MAD1L1: variants seen among roughly 807,000 people sequenced by gnomAD.
The protein encoded by MAD1L1 is mitotic arrest deficient 1 like 1.
In MAD1L1, 95 loss-of-function variants were observed where a neutral mutation model predicts 96.9. That is an observed-to-expected ratio of 0.98 (90% CI 0.83 to 1.16). MAD1L1 has a LOEUF of 1.16. Among genes scored for constraint, MAD1L1 ranks in the 50% most tolerant of loss-of-function variants. MAD1L1 has a pLI of 0.00. For synonymous variants in MAD1L1, 473 were observed against 396.6 expected, an observed-to-expected ratio of 1.19 and a Z score of -2.29; for missense variants, 1,007 against 954.4, an observed-to-expected ratio of 1.06 and a Z score of -0.73.
chr7:2,149,281 G>A (rs1789455938), intron 10 of MAD1L1, 43 bp from the exon 11 acceptor site: 1 of 1,490,284 alleles, frequency 6.7e-7, no homozygotes, highest in Non-Finnish European at 9.3e-7. Flanking sequence ...CTGTCCCCGA[G>A]AAGTAAACCT....
chr7:2,192,108 T>A (rs896854609), intron 10 of MAD1L1, among the ~76,000 whole-genome samples: 1 of 152,068 alleles, frequency 6.6e-6, no homozygotes, highest in African/African-American at 2.4e-5. Flanking sequence ...GCACGTTAAA[T>A]ATAAATCCAT....
rs531426485 is a variant in MAD1L1 at position 2,186,526 on chromosome 7, C to T, written c.986+26686G>A. Among the ~76,000 whole-genome samples the T allele has an allele frequency of 2.0e-5, 3 of 152,206 alleles. No individual in the cohort carries two copies. The East Asian group carries it at 5.8e-4, about 29-fold the overall frequency. On this transcript the variant is annotated intron_variant, in intron 10 of 18. Coordinates refer to ENST00000265854, the MANE Select transcript of MAD1L1 (RefSeq NM_001013836.2). ...AAACTGCTAATGTTAACCTGGGATA[C>T]AGCAGAATTTGAAAAAGCAGAGAAA...
chr7:1,967,274 G>A (rs1435984725), intron 15 of MAD1L1, among the ~76,000 whole-genome samples: 1 of 152,150 alleles, frequency 6.6e-6, no homozygotes, highest in African/African-American at 2.4e-5. Flanking sequence ...ATGCCCATCT[G>A]CTAAATTAAA....
intron 18 of MAD1L1, among the ~76,000 whole-genome samples, chr7:1,886,515 C>T (rs1786040048): frequency 1.3e-5 from 2 of 152,242 alleles, no homozygotes; most frequent in Non-Finnish European, 2.9e-5. Flanking sequence ...CAAGAATGGG[C>T]GGCTGAGTGG....
intron 11 of MAD1L1, among the ~76,000 whole-genome samples, chr7:2,144,531 T>C (rs1336486683): frequency 6.6e-6 from 1 of 152,088 alleles, no homozygotes; most frequent in African/African-American, 2.4e-5. Flanking sequence ...CGCTGGCCTA[T>C]TCCCCCCCAG....
chr7:1,971,166 G>A (rs548075933), intron 15 of MAD1L1, among the ~76,000 whole-genome samples: 3 of 152,312 alleles, frequency 2.0e-5, no homozygotes, highest in East Asian at 3.9e-4. Flanking sequence ...GGAGATGCAC[G>A]CAGTGCCATG....
At chr7:2,223,000 C>T (rs1257470286) in intron 4 of MAD1L1, among the ~76,000 whole-genome samples, 1 of 152,204 alleles carries the variant, frequency 6.6e-6, no homozygotes, top group African/African-American at 2.4e-5. Context: ...GCACTTGGCA[C>T]AGATCACACA....
intron 15 of MAD1L1, among the ~76,000 whole-genome samples, chr7:1,979,179 T>A (rs962548146): frequency 2.0e-5 from 3 of 151,038 alleles, no homozygotes; most frequent in Non-Finnish European, 4.4e-5. Context: ...CCGCGGGGGG[T>A]CCAGGGGCCC....
At chr7:1,896,713 G>C (rs1449454178) in intron 18 of MAD1L1, among the ~76,000 whole-genome samples, 5 of 152,192 alleles carry the variant, frequency 3.3e-5, no homozygotes, top group African/African-American at 9.6e-5. Flanking sequence ...ACACTGTGGA[G>C]GGTGCCCCAA....
intron 18 of MAD1L1, among the ~76,000 whole-genome samples, chr7:1,889,309 C>T (rs1482530252): frequency 2.6e-5 from 4 of 152,234 alleles, no homozygotes; most frequent in South Asian, 2.1e-4. Context: ...AGCAAACACT[C>T]GGGCAAGGCC....
In MAD1L1 at chr7:1,856,106, G is replaced by A. The variant is rs113737240; in HGVS notation, c.1999-39878C>T. Among the ~76,000 whole-genome samples, 857 of 152,288 alleles carry A rather than the reference G, an allele frequency of 5.6e-3. 8 individuals carry two copies. The highest frequency in any genetic ancestry group is 0.019 in the African/African-American group (802 of 41,556). On this transcript the variant is annotated intron_variant, in intron 18 of 18. Coordinates refer to ENST00000265854, the MANE Select transcript of MAD1L1 (RefSeq NM_001013836.2). ...CACTTCCTAATCCCTCATCTTGGGC[G>A]TTAGAATTTCAACGTATGGATTTTA...
rs548297740 is a variant in MAD1L1 at position 2,070,553 on chromosome 7, G to A, written c.1074-1215C>T. ...GCCACACCGGGGAGGGTGCGAGTCC[G>A]CGGAGGGAGGGCCCATCCCTACTCA... is the stretch of plus-strand genomic sequence containing the variant. On this transcript the variant is annotated intron_variant, in intron 11 of 18. Coordinates refer to ENST00000265854, the MANE Select transcript of MAD1L1 (RefSeq NM_001013836.2). Among the ~76,000 whole-genome samples the A allele has an allele frequency of 2.2e-3, 336 of 152,356 alleles. 1 individual carries two copies. The highest frequency in any genetic ancestry group is 7.7e-3 in the African/African-American group (321 of 41,594).
At chr7:1,936,444 T>C (rs568824452) in intron 17 of MAD1L1, among the ~76,000 whole-genome samples, 1 of 152,314 alleles carries the variant, frequency 6.6e-6, no homozygotes, top group East Asian at 1.9e-4. Flanking sequence ...TTTCAGCCCC[T>C]TGCTTCTCCA....
rs964202276 is a variant in MAD1L1, at chr7:2,120,525, G to A, written c.1073+28627C>T. Reference sequence around the variant, plus strand: ...GGCACTCGCAGTGCAGGAACCAAGCGGAAGCCCCACACCCAGGGCGCTGCC... The same window carrying A: ...GGCACTCGCAGTGCAGGAACCAAGCAGAAGCCCCACACCCAGGGCGCTGCC... On this transcript the variant is annotated intron_variant, in intron 11 of 18. Transcript: ENST00000265854. Among the ~76,000 whole-genome samples, 4 of 152,206 alleles carry A rather than the reference G, an allele frequency of 2.6e-5. No homozygotes were observed. In the South Asian group the frequency reaches 6.2e-4, roughly 24 times the overall value.
rs1432697368 is a variant in MAD1L1 at position 1,929,589 on chromosome 7, C to T, written c.1807+7098G>A. 2.0e-5 allele frequency among the ~76,000 whole-genome samples: 3 copies of T among 152,060 alleles called. No individual in the cohort carries two copies. In the East Asian group the frequency reaches 5.8e-4, roughly 29 times the overall value. On this transcript the variant is annotated intron_variant, in intron 17 of 18. Transcript: ENST00000265854. Reference sequence around the variant, plus strand: ...GGACTCAGATCCCCGAGAGCAGGGGCCTCTTTATGTGTTTCTGTGTCTTCT... The same window carrying T: ...GGACTCAGATCCCCGAGAGCAGGGGTCTCTTTATGTGTTTCTGTGTCTTCT...
chr7:2,115,553 G>C (rs1002764089), intron 11 of MAD1L1, among the ~76,000 whole-genome samples: 7 of 151,110 alleles, frequency 4.6e-5, no homozygotes, highest in Non-Finnish European at 8.9e-5. Flanking sequence ...AGGAGGCGCT[G>C]GACAGGGTCC....
intron 14 of MAD1L1, among the ~76,000 whole-genome samples, chr7:1,986,318 GCTTGGAACCACACGCCAGTCCA>G (rs1781137755): frequency 3.4e-5 from 1 of 29,712 alleles, no homozygotes; most frequent in Non-Finnish European, 8.5e-5. Flanking sequence ...CTCTGCTGCA[GCTTGGAACCACACGCCAGTCCA>G]GCTTGGAACC....
At chr7:1,997,861 C>A (rs530189687) in intron 14 of MAD1L1, among the ~76,000 whole-genome samples, 1 of 152,196 alleles carries the variant, frequency 6.6e-6, no homozygotes, top group Non-Finnish European at 1.5e-5. Flanking sequence ...ACACAGCCAG[C>A]GAGACCCCTC....
rs563159542 is a variant in MAD1L1, at chr7:1,926,033, G to GA, written c.1807+10653dup. ...GGCTAACAGACAAAAAAAGAAAAAA[G>GA]AAAAAAAAAGACATAAACGACCAGT... On this transcript the variant is annotated intron_variant, in intron 17 of 18. Coordinates refer to ENST00000265854, the MANE Select transcript of MAD1L1 (RefSeq NM_001013836.2). 5.8e-4 allele frequency among the ~76,000 whole-genome samples: 86 copies of GA among 147,746 alleles called. 2 individuals are homozygous for GA. The South Asian group carries it at 0.013, about 22-fold the overall frequency.
Sources: gnomAD v4.1 joint callset for allele counts (sites outside exome capture counted in the v4.1 genomes callset) on GRCh38, gnomAD v4.1.1 for gene constraint, MANE v1.5 for transcripts, NCBI Gene and HGNC (gene_info 2026-07-23, HGNC 2026-07-21) for gene names.